Variants in PELI2 observed in about 807,000 individuals in gnomAD.
The protein encoded by PELI2 is E3 ubiquitin-protein ligase pellino homolog 2.
Under a neutral mutation model 42.3 loss-of-function variants are expected in PELI2, and 23 were observed. The observed-to-expected ratio is 0.54, with a 90% CI of 0.39 to 0.77. PELI2 has a LOEUF of 0.77. Ranked by LOEUF, PELI2 falls within the 30% of genes least tolerant of loss-of-function variation. The pLI is 0.00. For synonymous variants in PELI2, 245 were observed against 212.2 expected (o/e 1.15, Z -1.34); for missense variants, 463 against 553.2 (o/e 0.84, Z 1.64).
chr14:56,277,730 A>G (rs1889343464), intron 2 of PELI2, among the ~76,000 whole-genome samples: 1 of 152,122 alleles, frequency 6.6e-6, no homozygotes, highest in African/African-American at 2.4e-5. Context: ...ATGACTTCCC[A>G]GTGAATTTGG....
At chr14:56,125,197 A>G (rs1218391781) in intron 1 of PELI2, among the ~76,000 whole-genome samples, 1 of 152,142 alleles carries the variant, frequency 6.6e-6, no homozygotes, top group African/African-American at 2.4e-5. Context: ...GTGATTGACC[A>G]TTCATTCAGT....
chr14:56,174,134 C>G (rs1885282446), intron 1 of PELI2, among the ~76,000 whole-genome samples: 1 of 152,122 alleles, frequency 6.6e-6, no homozygotes, highest in African/African-American at 2.4e-5. Flanking sequence ...AACTCCTGAC[C>G]TCAAGTGATC....
At chr14:56,151,150 G>A (rs1251172082) in intron 1 of PELI2, among the ~76,000 whole-genome samples, 5 of 152,220 alleles carry the variant, frequency 3.3e-5, no homozygotes, top group East Asian at 1.9e-4. Context: ...ACAGCACCCC[G>A]TGTGGCCTCT....
Position 56,118,440 on chromosome 14 carries a change from G to T in PELI2, c.-221G>T, listed in dbSNP as rs950260583. 2 of 302,542 alleles carry T rather than the reference G, an allele frequency of 6.6e-6. No individual in the cohort carries two copies. The highest frequency in any genetic ancestry group is 1.2e-5 in the Non-Finnish European group (2 of 165,944). The allele number at this position is 302,542 out of a possible 1,614,324, so 18.7% of individuals were successfully genotyped here. A position where few individuals can be genotyped will look rare whatever the true frequency, so the allele number is the denominator to read the frequency against. On this transcript the variant is annotated 5_prime_UTR_variant, in exon 1 of 6. Transcript: ENST00000267460. ...TTTGTTGCCGGCTCTGACTCGGGGC[G>T]GCCGCGGCGCGCGGAGCTCCGGGGA... is the stretch of plus-strand genomic sequence containing the variant.
At chr14:56,122,890 A>G (rs1020560783) in intron 1 of PELI2, among the ~76,000 whole-genome samples, 6 of 152,208 alleles carry the variant, frequency 3.9e-5, no homozygotes, top group Admixed American at 1.3e-4. Context: ...AGTGATTCCA[A>G]TTGTAATCCT....
At chr14:56,293,191 G>C (rs1282942882) in intron 5 of PELI2, among the ~76,000 whole-genome samples, 1 of 152,162 alleles carries the variant, frequency 6.6e-6, no homozygotes, top group Admixed American at 6.5e-5. Flanking sequence ...TGGATGGGGG[G>C]TTGAATTCAC....
chr14:56,158,616 A>G (rs1884650230), intron 1 of PELI2, among the ~76,000 whole-genome samples: 1 of 152,116 alleles, frequency 6.6e-6, no homozygotes, highest in African/African-American at 2.4e-5. Context: ...TGACCTCCCA[A>G]TGTGCTGGGA....
rs1040724011 is a variant in PELI2 at position 56,171,342 on chromosome 14, C to G, written c.78-6993C>G. On this transcript the variant is annotated intron_variant, in intron 1 of 5. Coordinates refer to ENST00000267460, the MANE Select transcript of PELI2 (RefSeq NM_021255.3). ...TCTCTGGTACACATGCTCTCTTACC[C>G]TTCCACCATGGGATGAAACATCTAG... Among the ~76,000 whole-genome samples, 4 of 152,208 alleles carry G rather than the reference C, an allele frequency of 2.6e-5. No homozygotes were observed. The East Asian group carries it at 7.7e-4, about 29-fold the overall frequency.
intron 2 of PELI2, among the ~76,000 whole-genome samples, chr14:56,236,544 C>A (rs1887803089): frequency 6.6e-6 from 1 of 152,148 alleles, no homozygotes; most frequent in Non-Finnish European, 1.5e-5. Flanking sequence ...AGTTCTGATT[C>A]TACTCTCTCT....
intron 2 of PELI2, among the ~76,000 whole-genome samples, chr14:56,259,899 A>G (rs951809035): frequency 6.6e-6 from 1 of 152,178 alleles, no homozygotes; most frequent in East Asian, 1.9e-4. Flanking sequence ...ATACTTATGG[A>G]TAAATTTAAC....
intron 2 of PELI2, among the ~76,000 whole-genome samples, chr14:56,204,101 A>T (rs1886432827): frequency 1.3e-5 from 2 of 152,158 alleles, no homozygotes; most frequent in African/African-American, 4.8e-5. Flanking sequence ...CAGGCGTTAG[A>T]GGGCTTGTTC....
At chr14:56,123,494 A>C (rs142161022) in intron 1 of PELI2, among the ~76,000 whole-genome samples, 16 of 152,162 alleles carry the variant, frequency 1.1e-4, no homozygotes, top group Non-Finnish European at 2.2e-4. Context: ...TCTGTGGGCT[A>C]TTAAGGGTTA....
At chr14:56,129,950 A>G (rs541152380) in intron 1 of PELI2, among the ~76,000 whole-genome samples, 5 of 152,284 alleles carry the variant, frequency 3.3e-5, no homozygotes, top group African/African-American at 1.2e-4. Context: ...TCGTGTTCCC[A>G]TCTCAACTTC....
intron 3 of PELI2, among the ~76,000 whole-genome samples, chr14:56,281,800 A>AT (rs1340485182): frequency 6.6e-6 from 1 of 152,178 alleles, no homozygotes; most frequent in Non-Finnish European, 1.5e-5. Context: ...ACTCTTAAAA[A>AT]TAAGAAAATA....
rs182359248 is a variant in PELI2, at chr14:56,173,860, C to T, written c.78-4475C>T. Among the ~76,000 whole-genome samples the T allele has an allele frequency of 1.1e-4, 17 of 152,286 alleles. No homozygotes were observed. The East Asian group carries it at 2.5e-3, about 23-fold the overall frequency. On this transcript the variant is annotated intron_variant, in intron 1 of 5. Coordinates refer to ENST00000267460, the MANE Select transcript of PELI2 (RefSeq NM_021255.3). ...GAGATCCTGGGCTTAATTACATCTG[C>T]AAACACCGCTTTTCCAAAAGGTCAC... is the stretch of plus-strand genomic sequence containing the variant.
intron 2 of PELI2, among the ~76,000 whole-genome samples, chr14:56,200,410 AG>A (rs1886292900): frequency 7.3e-6 from 1 of 137,048 alleles, no homozygotes; most frequent in Non-Finnish European, 1.6e-5. Context: ...TAACCTCCCC[AG>A]GGTCACACAG....
chr14:56,185,878 C>CT (rs1324980551), intron 2 of PELI2, among the ~76,000 whole-genome samples: 1 of 152,024 alleles, frequency 6.6e-6, no homozygotes, highest in African/African-American at 2.4e-5. Flanking sequence ...ACATTTGTCT[C>CT]TTTTTTCCTG....
At chr14:56,235,501 A>C (rs1336951459) in intron 2 of PELI2, among the ~76,000 whole-genome samples, 1 of 152,160 alleles carries the variant, frequency 6.6e-6, no homozygotes, top group East Asian at 1.9e-4. Flanking sequence ...TTTGTTGCTC[A>C]GGTCACCTTT....
rs76946286 is a variant in PELI2 at position 56,287,981 on chromosome 14, A to G, written c.310-456A>G. ...TCAGAGTTACAGTTGTTGGGATAGAACATTAATCCAAGAGATAAAATCTGA... is the reference window on the plus strand; with the variant it reads ...TCAGAGTTACAGTTGTTGGGATAGAGCATTAATCCAAGAGATAAAATCTGA... On this transcript the variant is annotated intron_variant, in intron 3 of 5. Coordinates refer to ENST00000267460, the MANE Select transcript of PELI2 (RefSeq NM_021255.3). Among the ~76,000 whole-genome samples the G allele has an allele frequency of 9.5e-3, 1,446 of 152,314 alleles. 28 individuals carry two copies. Among genetic ancestry groups the G allele is most frequent in the African/African-American group, 0.033 (1,360 of 41,560 alleles).
Sources: allele counts gnomAD v4.1 joint callset (sites outside exome capture counted in the v4.1 genomes callset), GRCh38; gene constraint gnomAD v4.1.1; transcripts MANE v1.5; gene names NCBI Gene and HGNC (gene_info 2026-07-23, HGNC 2026-07-21).